The following TNMD variants were observed in gnomAD, a reference collection of about 807,000 sequenced individuals.
TNMD encodes the protein BRICHOS domain containing 4.
In TNMD, 15 loss-of-function variants were observed where a neutral mutation model predicts 26.9. That is an observed-to-expected ratio of 0.56 (90% CI 0.37 to 0.86). The LOEUF (loss-of-function observed/expected upper bound fraction) is 0.86. TNMD is among the 40% of genes least tolerant of loss of function. TNMD has a pLI of 0.00. For missense variants in TNMD, 222 were observed against 242.6 expected, an observed-to-expected ratio of 0.92 and a Z score of 0.56; for synonymous variants, 73 against 77.0, an observed-to-expected ratio of 0.95 and a Z score of 0.27.
In TNMD at chrX:100,584,955, C is replaced by T. The variant is rs1255242517; in HGVS notation, c.-64C>T. 9.2e-7 allele frequency: 1 copy of T among 1,087,751 alleles called. No homozygotes were observed. The highest frequency in any genetic ancestry group is 1.9e-5 in the African/African-American group (1 of 53,376). 89.6% of individuals were successfully genotyped at this position (1,087,751 alleles called of 1,213,427 possible). On this transcript the variant is annotated 5_prime_UTR_variant, in exon 1 of 7. Transcript: ENST00000373031. ...TCTGTTAGCCGACTCACTTGCAACTCCACCTCAGCAGTGGTCTCTCAGTCC... is the reference window on the plus strand; with the variant it reads ...TCTGTTAGCCGACTCACTTGCAACTTCACCTCAGCAGTGGTCTCTCAGTCC...
At chrX:100,587,926 T>C (rs1313223802) in intron 2 of TNMD, among the ~76,000 whole-genome samples, 1 of 111,483 alleles carries the variant, frequency 9.0e-6, no homozygotes, top group African/African-American at 3.3e-5. Context: ...TTAACAAATC[T>C]ATGAGACTTG....
At chrX:100,588,284 G>A (rs956523599) in intron 2 of TNMD, among the ~76,000 whole-genome samples, 7 of 109,920 alleles carry the variant, frequency 6.4e-5, no homozygotes, top group Non-Finnish European at 1.3e-4. Context: ...GTGTGCACAC[G>A]CACAGACTCA....
chrX:100,588,783 C>T (rs747492983), intron 2 of TNMD, among the ~76,000 whole-genome samples: 3 of 111,880 alleles, frequency 2.7e-5, no homozygotes, highest in South Asian at 3.8e-4. Flanking sequence ...CTTTGTGGAG[C>T]GAGGCAGAAG....
At chrX:100,590,376 T>C (rs1386461366) in intron 2 of TNMD, among the ~76,000 whole-genome samples, 1 of 112,197 alleles carries the variant, frequency 8.9e-6, no homozygotes, top group African/African-American at 3.2e-5. Flanking sequence ...GGCTAAAGCT[T>C]CTTGCCCCTA....
chrX:100,586,269 C>T (rs1238214074), intron 2 of TNMD, among the ~76,000 whole-genome samples: 1 of 112,054 alleles, frequency 8.9e-6, no homozygotes, highest in East Asian at 2.8e-4. Context: ...TGGATTGCTG[C>T]TGAAGTTATT....
chrX:100,595,012 AAACCTAATGGGAGATGGATGTT>A (rs1311331408), intron 4 of TNMD, among the ~76,000 whole-genome samples: 1 of 111,921 alleles, frequency 8.9e-6, no homozygotes, highest in Non-Finnish European at 1.9e-5. Context: ...TGGCCCTTTA[AAACCTAATGGGAGATGGATGTT>A]ATTGCCTAAA....
At chrX:100,597,740 C>A in intron 5 of TNMD, 83 bp downstream of exon 5, 1 of 985,574 alleles carries the variant, frequency 1.0e-6, no homozygotes, top group East Asian at 3.1e-5. Context: ...GGCTACATTT[C>A]TAGGAAAACA....
intron 4 of TNMD, among the ~76,000 whole-genome samples, chrX:100,595,774 C>T (rs767027437): frequency 1.4e-3 from 151 of 110,953 alleles, no homozygotes; most frequent in Non-Finnish European, 2.5e-3. Flanking sequence ...CCAAGGTCTA[C>T]GGTAGTGACA....
At chrX:100,594,447 C>A in intron 4 of TNMD, 85 bp downstream of exon 4, 1 of 540,388 alleles carries the variant, frequency 1.9e-6, no homozygotes. Flanking sequence ...AAATGCTTTA[C>A]TTTTCTTTGA....
intron 2 of TNMD, among the ~76,000 whole-genome samples, chrX:100,589,846 C>T (rs1272137227): frequency 9.0e-6 from 1 of 111,490 alleles, no homozygotes; most frequent in Non-Finnish European, 1.9e-5. Flanking sequence ...AATCACACAG[C>T]TTGTAAGTGG....
intron 2 of TNMD, chrX:100,593,648 T>G: frequency 3.8e-6 from 1 of 264,026 alleles, no homozygotes; most frequent in East Asian, 6.9e-5. Context: ...GCAGCATAGG[T>G]TTTAGGTGAT....
chrX:100,592,450 T>C (rs2082940505), intron 2 of TNMD, among the ~76,000 whole-genome samples: 1 of 112,402 alleles, frequency 8.9e-6, no homozygotes, highest in Non-Finnish European at 1.9e-5. Flanking sequence ...AAATGGTTTT[T>C]TTAAAAGACC....
chrX:100,596,418 C>A (rs967645964), intron 4 of TNMD, among the ~76,000 whole-genome samples: 1 of 111,907 alleles, frequency 8.9e-6, no homozygotes, highest in African/African-American at 3.2e-5. Flanking sequence ...GTTAATTTCA[C>A]CAAATATTTT....
At chrX:100,589,596 A>C (rs1015981711) in intron 2 of TNMD, among the ~76,000 whole-genome samples, 17 of 110,830 alleles carry the variant, frequency 1.5e-4, no homozygotes, top group African/African-American at 5.3e-4. Context: ...CACCAGGATG[A>C]AGAGCCTGGG....
Position 100,585,081 on chromosome X carries a change from A to AT in TNMD, c.48+21dup, listed in dbSNP as rs760194821. 2.9e-5 allele frequency: 35 copies of AT among 1,203,134 alleles called. No homozygotes were observed. The highest frequency in any genetic ancestry group is 3.8e-5 in the Non-Finnish European group (34 of 890,841). On this transcript the variant is annotated intron_variant, in intron 1 of 6. Coordinates refer to ENST00000373031, the MANE Select transcript of TNMD (RefSeq NM_022144.3). ...ACATTCTAAATGTAAGTTGATTCAT[A>AT]TTTTTTCCCTTTTGAGCAGAAGCAT...
chrX:100,589,807 T>A (rs2082932415), intron 2 of TNMD, among the ~76,000 whole-genome samples: 1 of 110,692 alleles, frequency 9.0e-6, no homozygotes, highest in African/African-American at 3.3e-5. Context: ...AGGAACTGAG[T>A]CCCTAGAGAC....
At chrX:100,597,764 T>C in intron 5 of TNMD, 107 bp downstream of exon 5, 2 of 879,749 alleles carry the variant, frequency 2.3e-6, no homozygotes, top group Non-Finnish European at 3.3e-6. Context: ...GATCGGTTTA[T>C]ATCTTCTTGG....
intron 4 of TNMD, among the ~76,000 whole-genome samples, chrX:100,596,560 G>A (rs1374455646): frequency 9.0e-6 from 1 of 110,676 alleles, no homozygotes; most frequent in Non-Finnish European, 1.9e-5. Context: ...ACCTTCTTCT[G>A]TAATTCCCTC....
intron 2 of TNMD, among the ~76,000 whole-genome samples, chrX:100,588,896 T>C (rs768430037): frequency 6.3e-5 from 7 of 111,243 alleles, no homozygotes; most frequent in South Asian, 7.7e-4. Context: ...CAGTAATCAA[T>C]AGATTCGTGA....
Sources: allele counts gnomAD v4.1 joint callset (sites outside exome capture counted in the v4.1 genomes callset), GRCh38; gene constraint gnomAD v4.1.1; transcripts MANE v1.5; gene names NCBI Gene and HGNC (gene_info 2026-07-23, HGNC 2026-07-21).